FRMD5: variants seen among roughly 807,000 people sequenced by gnomAD.
FRMD5 encodes FERM domain-containing protein 5.
In FRMD5, 20 loss-of-function variants were observed where a neutral mutation model predicts 69.0. The ratio of observed to expected loss-of-function variants is 0.29; its 90% CI spans 0.20 to 0.42. FRMD5 has a LOEUF of 0.42. FRMD5 is among the 10% of genes least tolerant of loss of function. FRMD5 has a pLI of 1.00. For synonymous variants in FRMD5, 271 were observed against 260.1 expected, an observed-to-expected ratio of 1.04 and a Z score of -0.40; for missense variants, 595 against 708.6, an observed-to-expected ratio of 0.84 and a Z score of 1.82.
chr15:44,041,512 T>C (rs929721951), intron 1 of FRMD5, among the ~76,000 whole-genome samples: 1 of 152,162 alleles, frequency 6.6e-6, no homozygotes, highest in Admixed American at 6.5e-5. Flanking sequence ...TATTCTAAAA[T>C]TGACCACATA....
chr15:44,007,658 T>C (rs949243478), intron 1 of FRMD5, among the ~76,000 whole-genome samples: 15 of 143,474 alleles, frequency 1.0e-4, no homozygotes, highest in African/African-American at 3.9e-4. Flanking sequence ...TTTTTTTTTT[T>C]TTTTGAGACA....
At chr15:44,175,581 C>T (rs1338185888) in intron 1 of FRMD5, among the ~76,000 whole-genome samples, 1 of 152,132 alleles carries the variant, frequency 6.6e-6, no homozygotes, top group Non-Finnish European at 1.5e-5. Flanking sequence ...TAAACAGACA[C>T]ACATATACAA....
At chr15:43,940,541 T>C (rs2089843974) in intron 1 of FRMD5, among the ~76,000 whole-genome samples, 2 of 152,174 alleles carry the variant, frequency 1.3e-5, no homozygotes, top group Admixed American at 1.3e-4. Flanking sequence ...GAGCATGTTC[T>C]AGGAATTTCA....
intron 1 of FRMD5, among the ~76,000 whole-genome samples, chr15:44,110,787 C>G (rs901880829): frequency 6.6e-6 from 1 of 152,226 alleles, no homozygotes; most frequent in African/African-American, 2.4e-5. Context: ...CCTCAGATTA[C>G]TGAATCTCTC....
intron 1 of FRMD5, among the ~76,000 whole-genome samples, chr15:43,926,097 TACTG>T (rs1210474244): frequency 4.6e-5 from 7 of 152,198 alleles, no homozygotes; most frequent in Admixed American, 4.6e-4. Context: ...TTGAATAAAT[TACTG>T]AATGAATAGA....
At chr15:44,197,438 C>T (rs2078320346), upstream of FRMD5, among the ~76,000 whole-genome samples, 1 of 151,822 alleles carries the variant, frequency 6.6e-6, no homozygotes, top group Admixed American at 6.6e-5. Flanking sequence ...AATCCCAGTA[C>T]TTTAGGAGGC....
At chr15:44,179,583 T>C (rs2077960044) in intron 1 of FRMD5, among the ~76,000 whole-genome samples, 2 of 152,238 alleles carry the variant, frequency 1.3e-5, no homozygotes, top group Admixed American at 1.3e-4. Context: ...AGCTCTTCCT[T>C]TGACATCTCT....
intron 1 of FRMD5, among the ~76,000 whole-genome samples, chr15:44,075,483 T>C (rs1261148057): frequency 6.6e-6 from 1 of 152,116 alleles, no homozygotes; most frequent in Non-Finnish European, 1.5e-5. Flanking sequence ...TTTAAGTGAG[T>C]CCTGTCTCAA....
intron 1 of FRMD5, among the ~76,000 whole-genome samples, chr15:44,033,545 G>A (rs1219962393): frequency 6.6e-6 from 1 of 152,104 alleles, no homozygotes; most frequent in Non-Finnish European, 1.5e-5. Flanking sequence ...TTTTCATTGT[G>A]TATATTCACT....
At chr15:43,947,534 G>A (rs893931578) in intron 1 of FRMD5, among the ~76,000 whole-genome samples, 2 of 152,116 alleles carry the variant, frequency 1.3e-5, no homozygotes, top group African/African-American at 4.8e-5. Context: ...TATAATCCCT[G>A]GTTTTAAGGA....
intron 1 of FRMD5, among the ~76,000 whole-genome samples, chr15:44,088,776 T>C (rs1159011588): frequency 1.3e-5 from 2 of 152,202 alleles, no homozygotes; most frequent in African/African-American, 2.4e-5. Flanking sequence ...AGTATCTTCA[T>C]TTTACAAAGG....
chr15:44,195,370 C>A (rs190168282), upstream of FRMD5: 102 of 411,192 alleles, frequency 2.5e-4, no homozygotes, highest in East Asian at 3.9e-3. Context: ...AGTGGCAGAC[C>A]GAAAAGCCAA....
In FRMD5 at chr15:43,874,362, G is replaced by A; in HGVS notation, c.1236C>T (p.Ser412=). ...CTGCAATCACAGCTACTCGCTCATTGCTATCTGTCCGGCTGCTTCTCACGT... is the reference window on the plus strand; with the variant it reads ...CTGCAATCACAGCTACTCGCTCATTACTATCTGTCCGGCTGCTTCTCACGT... ...LPHVRSSRTD[S]NERVAVIADE... is the part of the protein sequence containing the mutation. The change falls in exon 14 of 14, where the codon AGC becomes AGT. Residue 412 remains serine, a synonymous_variant. Transcript: ENST00000417257. The A allele has an allele frequency of 6.2e-7, 1 of 1,614,198 alleles. No homozygotes were observed. Among genetic ancestry groups the A allele is most frequent in the Non-Finnish European group, 8.5e-7 (1 of 1,180,034 alleles).
chr15:44,134,688 G>A (rs1388310681), intron 1 of FRMD5, among the ~76,000 whole-genome samples: 1 of 152,168 alleles, frequency 6.6e-6, no homozygotes, highest in African/African-American at 2.4e-5. Context: ...GACCTCAAAT[G>A]ATCCACCCTC....
At chr15:43,982,997 C>A (rs2090571714) in intron 1 of FRMD5, among the ~76,000 whole-genome samples, 1 of 152,130 alleles carries the variant, frequency 6.6e-6, no homozygotes, top group African/African-American at 2.4e-5. Flanking sequence ...GTGGTGTGAT[C>A]TTGGCTCACT....
intron 7 of FRMD5, among the ~76,000 whole-genome samples, chr15:43,892,723 C>T (rs891890658): frequency 6.6e-6 from 1 of 152,156 alleles, no homozygotes; most frequent in Admixed American, 6.5e-5. Context: ...AACATTATGC[C>T]AAGTGAAAGA....
chr15:43,969,307 C>G (rs545160633), intron 1 of FRMD5, among the ~76,000 whole-genome samples: 3 of 152,082 alleles, frequency 2.0e-5, no homozygotes, highest in African/African-American at 7.2e-5. Flanking sequence ...GTCTCACACT[C>G]CTGGGCTCAA....
chr15:44,104,751 T>C (rs1351203862), intron 1 of FRMD5, among the ~76,000 whole-genome samples: 1 of 152,200 alleles, frequency 6.6e-6, no homozygotes, highest in Non-Finnish European at 1.5e-5. Context: ...GTACACTCTA[T>C]GATGTTCACA....
At chr15:44,187,355 G>T (rs1238874872) in intron 1 of FRMD5, among the ~76,000 whole-genome samples, 1 of 152,112 alleles carries the variant, frequency 6.6e-6, no homozygotes, top group Non-Finnish European at 1.5e-5. Flanking sequence ...ATTCCTCTCT[G>T]CATGTCAAGT....
Sources: gnomAD v4.1 joint callset for allele counts (sites outside exome capture counted in the v4.1 genomes callset) on GRCh38, gnomAD v4.1.1 for gene constraint, MANE v1.5 for transcripts, NCBI Gene and HGNC (gene_info 2026-07-23, HGNC 2026-07-21) for gene names.